The following SLC36A2 variants were observed in gnomAD, a reference collection of about 807,000 sequenced individuals.
The protein encoded by SLC36A2 is proton-coupled amino acid transporter 2.
SLC36A2 carries 39 observed loss-of-function variants against 42.7 expected under a neutral mutation model. That is an observed-to-expected ratio of 0.91 (90% CI 0.71 to 1.19). The LOEUF (loss-of-function observed/expected upper bound fraction) is 1.19. Ranked by LOEUF, SLC36A2 falls within the 50% of genes most tolerant of loss-of-function variation. The pLI, the probability that SLC36A2 is intolerant of heterozygous loss-of-function variation, is 0.00. For missense variants in SLC36A2, 590 were observed against 613.7 expected, an observed-to-expected ratio of 0.96 and a Z score of 0.41; for synonymous variants, 237 against 240.8, an observed-to-expected ratio of 0.98 and a Z score of 0.15.
intron 8 of SLC36A2, among the ~76,000 whole-genome samples, chr5:151,323,776 G>A (rs1057349740): frequency 1.3e-5 from 2 of 152,146 alleles, no homozygotes; most frequent in Admixed American, 6.5e-5. Flanking sequence ...CATTCCCACC[G>A]GATCAGGAGC....
At chr5:151,330,810 C>T (rs761965854) in intron 7 of SLC36A2, among the ~76,000 whole-genome samples, 5 of 152,064 alleles carry the variant, frequency 3.3e-5, no homozygotes, top group Non-Finnish European at 5.9e-5. Flanking sequence ...AGTTTACTAG[C>T]AATGATAAAA....
rs571375707 is a variant in SLC36A2, at chr5:151,344,473, C to T, written c.165-206G>A. Among the ~76,000 whole-genome samples, 12 of 152,326 alleles carry T rather than the reference C, an allele frequency of 7.9e-5. No homozygotes were observed. The South Asian group carries it at 1.7e-3, about 21-fold the overall frequency. On this transcript the variant is annotated intron_variant, in intron 1 of 9. Transcript: ENST00000335244. ...ACTGTCCTGGTTTTAGCAGCTAACA[C>T]TCAATATATGCTGCAACACTTACTA...
At chr5:151,345,226 T>A (rs1756460246) in intron 1 of SLC36A2, among the ~76,000 whole-genome samples, 1 of 152,188 alleles carries the variant, frequency 6.6e-6, no homozygotes, top group Non-Finnish European at 1.5e-5. Flanking sequence ...TTAGAAACCT[T>A]GGAAATTCCC....
rs762445214 is a variant in SLC36A2 at position 151,325,354 on chromosome 5, C to T, written c.942G>A (p.Ala314=). ...SIVTSLYIGM[A]ALGYLRFGDD... is the part of the protein sequence containing the mutation. Reference sequence around the variant, plus strand: ...CTCCAAACCGCAGGTAGCCCAGAGCCGCCATGCCAATGTATAGGGAAGTGA... The same window carrying T: ...CTCCAAACCGCAGGTAGCCCAGAGCTGCCATGCCAATGTATAGGGAAGTGA... Residue 314 remains alanine (A), a synonymous_variant, in exon 8 of 10, where the codon GCG becomes GCA. Coordinates refer to ENST00000335244, the MANE Select transcript of SLC36A2 (RefSeq NM_181776.3). The T allele has an allele frequency of 9.9e-6, 16 of 1,614,072 alleles. No individual in the cohort carries two copies. Among genetic ancestry groups the T allele is most frequent in the South Asian group, 2.2e-5 (2 of 91,074 alleles).
intron 4 of SLC36A2, among the ~76,000 whole-genome samples, chr5:151,340,232 G>GGGA (rs374072097): frequency 1.4e-5 from 2 of 147,386 alleles, no homozygotes. Flanking sequence ...GAGGAGGAAG[G>GGGA]GGAGGAGGAG....
chr5:151,345,762 G>A (rs991737395), intron 1 of SLC36A2, among the ~76,000 whole-genome samples: 3 of 152,184 alleles, frequency 2.0e-5, no homozygotes, highest in Non-Finnish European at 2.9e-5. Context: ...AACATAGTGC[G>A]GTAAGTCATG....
chr5:151,333,862 A>G (rs1484747913), intron 6 of SLC36A2, among the ~76,000 whole-genome samples: 2 of 152,150 alleles, frequency 1.3e-5, no homozygotes, highest in Admixed American at 1.3e-4. Flanking sequence ...ACAATCCTCC[A>G]AAAGAAGACC....
chr5:151,329,936 A>C (rs542184261), intron 7 of SLC36A2, among the ~76,000 whole-genome samples: 1 of 152,216 alleles, frequency 6.6e-6, no homozygotes, highest in African/African-American at 2.4e-5. Context: ...TGGAGGGCTG[A>C]CTTTTCATAT....
rs1204302961 is a variant in SLC36A2 at position 151,322,094 on chromosome 5, C to T, written c.1132G>A (p.Ala378Thr). The T allele has an allele frequency of 6.2e-7, 1 of 1,614,150 alleles. No individual in the cohort carries two copies. Among genetic ancestry groups the T allele is most frequent in the Non-Finnish European group, 8.5e-7 (1 of 1,180,014 alleles). ...FAISRVSTRW[A>T]LPLDLSIRLV... Reference sequence around the variant, plus strand: ...CGAATGGACAGATCCAGAGGCAGTGCCCAGCGTGTTGACACCCGGGAGATG... The same window carrying T: ...CGAATGGACAGATCCAGAGGCAGTGTCCAGCGTGTTGACACCCGGGAGATG... The change falls in exon 9 of 10, where the codon GCA becomes ACA. Residue 378 changes from alanine to threonine, a missense_variant. By Grantham distance (58) the Ala-to-Thr change is moderately conservative. Coordinates refer to ENST00000335244, the MANE Select transcript of SLC36A2 (RefSeq NM_181776.3).
At chr5:151,335,004 C>T (rs771944331) in intron 6 of SLC36A2, among the ~76,000 whole-genome samples, 5 of 151,916 alleles carry the variant, frequency 3.3e-5, no homozygotes, top group African/African-American at 7.3e-5. Flanking sequence ...AATCTGTTTT[C>T]GCCTGCCTTT....
In SLC36A2 at chr5:151,316,107, C is replaced by A. The variant is rs1755483391; in HGVS notation, c.*710G>T. On this transcript the variant is annotated 3_prime_UTR_variant, in exon 10 of 10. Transcript: ENST00000335244. Reference sequence around the variant, plus strand: ...CTTAATGTTTGCTTTTTGAACAGACCCAGAAAAGGGAAAACCGGTTGTCTG... The same window carrying A: ...CTTAATGTTTGCTTTTTGAACAGACACAGAAAAGGGAAAACCGGTTGTCTG... The A allele has an allele frequency of 6.6e-6, 1 of 152,218 alleles. No homozygotes were observed. Among genetic ancestry groups the A allele is most frequent in the Non-Finnish European group, 1.5e-5 (1 of 68,154 alleles). 9.4% of individuals were successfully genotyped at this position (152,218 alleles called of 1,614,324 possible). A position where few individuals can be genotyped will look rare whatever the true frequency, so the allele number is the denominator to read the frequency against.
rs542816168 is a variant in SLC36A2 at position 151,342,915 on chromosome 5, C to T, written c.413G>A (p.Trp138Ter). Reference sequence around the variant, plus strand: ...TCCCCAGTGAGCGTGATTCTGGAGCCAGGCGTTGGGGTTGGCTTCTAGTCC... The same window carrying T: ...TCCCCAGTGAGCGTGATTCTGGAGCTAGGCGTTGGGGTTGGCTTCTAGTCC... The part of the protein sequence containing the change: ...MHGLEANPNA[W>*]LQNHAHWGRH... Residue 138 changes from tryptophan (W) to a stop codon, truncating the protein, a stop_gained, in exon 4 of 10, where the codon TGG becomes TAG. Transcript: ENST00000335244. LOFTEE classifies it high-confidence loss of function. 8.1e-6 allele frequency: 13 copies of T among 1,614,142 alleles called. No homozygotes were observed. The Admixed American group carries it at 2.2e-4, about 27-fold the overall frequency.
intron 9 of SLC36A2, among the ~76,000 whole-genome samples, chr5:151,321,284 C>G (rs6867778): frequency 0.059 from 8,938 of 151,548 alleles, 864 homozygotes; most frequent in African/African-American, 0.2. Context: ...CCCACCCTAG[C>G]CTCCCAAGTA....
At chr5:151,339,200 C>T in intron 4 of SLC36A2, 56 bp from the exon 5 acceptor site, 1 of 1,396,662 alleles carries the variant, frequency 7.2e-7, no homozygotes, top group Non-Finnish European at 1.0e-6. Context: ...GTCAACTTGT[C>T]AGTTCCATTT....
At chr5:151,331,684 T>C (rs944293031) in intron 7 of SLC36A2, among the ~76,000 whole-genome samples, 4 of 152,128 alleles carry the variant, frequency 2.6e-5, no homozygotes, top group African/African-American at 7.2e-5. Context: ...AGATAGAGGA[T>C]AAATTGGAAT....
chr5:151,343,016 A>G, intron 3 of SLC36A2, 33 bp from the exon 4 acceptor site: 1 of 1,564,258 alleles, frequency 6.4e-7, no homozygotes, highest in Non-Finnish European at 8.8e-7. Flanking sequence ...GGTTTCCAAG[A>G]GATAGTTTAG....
At chr5:151,338,021 G>T (rs1323181884) in intron 5 of SLC36A2, among the ~76,000 whole-genome samples, 2 of 152,158 alleles carry the variant, frequency 1.3e-5, no homozygotes, top group Non-Finnish European at 2.9e-5. Flanking sequence ...ACATTACAGA[G>T]TTTATAATCT....
chr5:151,318,691 T>C (rs182772341), intron 9 of SLC36A2, among the ~76,000 whole-genome samples: 40 of 150,766 alleles, frequency 2.7e-4, no homozygotes, highest in Non-Finnish European at 4.4e-5. Context: ...ACCTTTTACT[T>C]GCAAACAATT....
At chr5:151,346,354 T>C (rs1756497278) in intron 1 of SLC36A2, among the ~76,000 whole-genome samples, 1 of 152,178 alleles carries the variant, frequency 6.6e-6, no homozygotes, top group African/African-American at 2.4e-5. Flanking sequence ...TGGATGGCTG[T>C]GGGGAGGGGC....
Sources: gnomAD v4.1 joint callset for allele counts (sites outside exome capture counted in the v4.1 genomes callset) on GRCh38, gnomAD v4.1.1 for gene constraint, MANE v1.5 for transcripts, NCBI Gene and HGNC (gene_info 2026-07-23, HGNC 2026-07-21) for gene names.